The following SEMA4D variants were observed in gnomAD, a reference collection of about 807,000 sequenced individuals.
SEMA4D encodes the protein semaphorin-4D.
Under a neutral mutation model 74.8 loss-of-function variants are expected in SEMA4D, and 22 were observed. The ratio of observed to expected loss-of-function variants is 0.29; its 90% CI spans 0.21 to 0.42. SEMA4D has a LOEUF of 0.42. Ranked by LOEUF, SEMA4D falls within the 10% of genes least tolerant of loss-of-function variation. The pLI, the probability that SEMA4D is intolerant of heterozygous loss-of-function variation, is 1.00. For synonymous variants in SEMA4D, 445 were observed against 463.7 expected (o/e 0.96, Z 0.52); for missense variants, 937 against 1,118.4 (o/e 0.84, Z 2.31).
At chr9:89,364,061 CTT>C in intron 16 of SEMA4D, 1 of 1,593,248 alleles carries the variant, frequency 6.3e-7, no homozygotes, top group Non-Finnish European at 8.5e-7. Flanking sequence ...CCTGAAGTGA[CTT>C]GGGACAACTT....
chr9:89,382,945 T>C (rs1837490656), intron 13 of SEMA4D, among the ~76,000 whole-genome samples: 1 of 152,192 alleles, frequency 6.6e-6, no homozygotes, highest in African/African-American at 2.4e-5. Flanking sequence ...GACCACCTCC[T>C]GCACCCTGCG....
intron 2 of SEMA4D, among the ~76,000 whole-genome samples, chr9:89,433,195 C>A (rs1433308035): frequency 3.3e-5 from 5 of 152,216 alleles, no homozygotes; most frequent in Non-Finnish European, 4.4e-5. Flanking sequence ...TGTATGCATG[C>A]CCCTGCTATA....
At position 89,461,700 on chromosome 9, in the gene SEMA4D, C is replaced by CTCTCTTTTTT. The variant is rs71281350; in HGVS notation, c.-309-5748_-309-5747insAAAAAAGAGA. ...GGGCCAATGTGTATTTCTTTTTTCTCTTTTTTTTTTTTTTTTTTTGGAGAC... is the reference window on the plus strand; with the variant it reads ...GGGCCAATGTGTATTTCTTTTTTCTCTCTCTTTTTTTTTTTTTTTTTTTTTTTTTGGAGAC... On this transcript the variant is annotated intron_variant, in intron 1 of 15. Transcript: ENST00000422704. Among the ~76,000 whole-genome samples, 42 of 103,648 alleles carry CTCTCTTTTTT rather than the reference C, an allele frequency of 4.1e-4. No homozygotes were observed. The East Asian group carries it at 5.9e-3, about 15-fold the overall frequency. The allele number at this position is 103,648 out of a possible 152,430, so 68.0% of individuals were successfully genotyped here.
At chr9:89,465,787 G>T (rs1214738094) in intron 1 of SEMA4D, among the ~76,000 whole-genome samples, 2 of 152,232 alleles carry the variant, frequency 1.3e-5, no homozygotes, top group Non-Finnish European at 2.9e-5. Flanking sequence ...GGATATCTAT[G>T]ACTTACAGAG....
chr9:89,382,581 A>ACAGCAG (rs748681698), intron 13 of SEMA4D, among the ~76,000 whole-genome samples: 5 of 152,052 alleles, frequency 3.3e-5, no homozygotes, highest in South Asian at 2.1e-4. Context: ...CGCTGGCCTC[A>ACAGCAG]CAGCAGCAGC....
chr9:89,451,766 T>TA (rs35992699), intron 2 of SEMA4D, among the ~76,000 whole-genome samples: 3,597 of 150,328 alleles, frequency 0.024, 127 homozygotes, highest in African/African-American at 0.081. Context: ...TTTGCTCATT[T>TA]AAAAAAAAAA....
chr9:89,494,253 C>A (rs7872249), intron 1 of SEMA4D, among the ~76,000 whole-genome samples: 5,194 of 152,230 alleles, frequency 0.034, 329 homozygotes, highest in African/African-American at 0.12. Flanking sequence ...TACATAAGTA[C>A]AAAAAGAAGA....
rs933438074 is a variant in SEMA4D, at chr9:89,460,477, G to C, written c.-309-4524C>G. ...CTAAGTCTGGATTTGTTTTATATTT[G>C]ACAACTGCTTACTGATTACAAACAA... is the stretch of plus-strand genomic sequence containing the variant. On this transcript the variant is annotated intron_variant, in intron 1 of 15. Coordinates refer to ENST00000422704, the MANE Select transcript of SEMA4D (RefSeq NM_001371194.2). 3.3e-5 allele frequency among the ~76,000 whole-genome samples: 5 copies of C among 152,204 alleles called. 1 individual carries two copies. Among genetic ancestry groups the C allele is most frequent in the African/African-American group, 1.2e-4 (5 of 41,442 alleles).
chr9:89,495,935 C>A (rs1224600976), intron 1 of SEMA4D, among the ~76,000 whole-genome samples: 2 of 152,220 alleles, frequency 1.3e-5, no homozygotes, highest in South Asian at 4.1e-4. Context: ...CTGTCAGCAG[C>A]GGACGTTCCC....
chr9:89,487,382 G>T (rs1433568850), intron 1 of SEMA4D, among the ~76,000 whole-genome samples: 1 of 151,956 alleles, frequency 6.6e-6, no homozygotes, highest in Non-Finnish European at 1.5e-5. Context: ...AACTTCCACC[G>T]CCTTGTAAAA....
intron 4 of SEMA4D, among the ~76,000 whole-genome samples, chr9:89,401,184 A>G (rs1587599584): frequency 6.6e-6 from 1 of 151,712 alleles, no homozygotes; most frequent in Non-Finnish European, 1.5e-5. Flanking sequence ...ACTTCCAAGC[A>G]CCTCAGACTC....
chr9:89,471,494 T>A (rs1860214361), intron 1 of SEMA4D, among the ~76,000 whole-genome samples: 1 of 152,170 alleles, frequency 6.6e-6, no homozygotes, highest in South Asian at 2.1e-4. Context: ...CCCACCACAC[T>A]CTCCAGATAA....
At chr9:89,388,439 T>C (rs1467064813) in intron 11 of SEMA4D, among the ~76,000 whole-genome samples, 197 bp downstream of exon 11, 1 of 152,208 alleles carries the variant, frequency 6.6e-6, no homozygotes, top group African/African-American at 2.4e-5. Context: ...GTTTGTGCAA[T>C]AGTGTAGCAA....
intron 1 of SEMA4D, among the ~76,000 whole-genome samples, chr9:89,482,135 T>C (rs889563407): frequency 1.3e-5 from 2 of 152,138 alleles, no homozygotes; most frequent in Non-Finnish European, 2.9e-5. Flanking sequence ...GCAAAGCCAG[T>C]TGAGGACCAA....
At chr9:89,415,576 G>A (rs1845529971) in intron 2 of SEMA4D, among the ~76,000 whole-genome samples, 1 of 152,140 alleles carries the variant, frequency 6.6e-6, no homozygotes, top group African/African-American at 2.4e-5. Flanking sequence ...CCTATAAAAG[G>A]AGTCCCAGAG....
At chr9:89,453,001 G>T (rs193289073) in intron 2 of SEMA4D, among the ~76,000 whole-genome samples, 88 of 152,294 alleles carry the variant, frequency 5.8e-4, no homozygotes, top group Non-Finnish European at 1.1e-3. Flanking sequence ...ACCCTCCTGG[G>T]CCTCCTGAAA....
chr9:89,362,440 ATG>A, intron 18 of SEMA4D: 1 of 1,613,968 alleles, frequency 6.2e-7, no homozygotes, highest in Non-Finnish European at 8.5e-7. Flanking sequence ...TGAAAGAACA[ATG>A]TGGTCTTTGA....
At chr9:89,444,880 A>T (rs146958533) in intron 2 of SEMA4D, among the ~76,000 whole-genome samples, 1 of 152,250 alleles carries the variant, frequency 6.6e-6, no homozygotes, top group Non-Finnish European at 1.5e-5. Flanking sequence ...TTCCAAGCAG[A>T]AGAAAGAAGA....
At chr9:89,446,886 C>T (rs1399653376) in intron 2 of SEMA4D, among the ~76,000 whole-genome samples, 4 of 152,304 alleles carry the variant, frequency 2.6e-5, no homozygotes, top group Middle Eastern at 3.4e-3. Flanking sequence ...TCGGAGGACT[C>T]GAAGTCTCAG....
Sources: allele counts gnomAD v4.1 joint callset (sites outside exome capture counted in the v4.1 genomes callset), GRCh38; gene constraint gnomAD v4.1.1; transcripts MANE v1.5; gene names NCBI Gene and HGNC (gene_info 2026-07-23, HGNC 2026-07-21).